SWT1: variants seen among roughly 807,000 people sequenced by gnomAD.
The protein encoded by SWT1 is SWT1 RNA endoribonuclease homolog, also known as transcriptional protein SWT1.
Under a neutral mutation model 107.3 loss-of-function variants are expected in SWT1, and 33 were observed. The observed-to-expected ratio is 0.31, with a 90% CI of 0.23 to 0.41. The LOEUF (loss-of-function observed/expected upper bound fraction) is 0.41, where lower values mean the gene tolerates loss of function less well. Among genes scored for constraint, SWT1 ranks in the 10% least tolerant of loss-of-function variants. SWT1 has a pLI of 1.00. For missense variants in SWT1, 898 were observed against 1,028.9 expected (o/e 0.87, Z 1.74); for synonymous variants, 345 against 348.3 (o/e 0.99, Z 0.11).
At chr1:185,251,389 C>A (rs1662008159) in intron 16 of SWT1, 1 of 152,656 alleles carries the variant, frequency 6.6e-6, no homozygotes, top group Admixed American at 6.5e-5. Context: ...TTCTCCACTC[C>A]CACTGCTTCA....
chr1:185,287,705 T>G (rs1426856329), intron 18 of SWT1, among the ~76,000 whole-genome samples: 1 of 152,200 alleles, frequency 6.6e-6, no homozygotes, highest in African/African-American at 2.4e-5. Context: ...ATTCTACAGA[T>G]TAACCACCAG....
At chr1:185,161,623 C>T (rs775390294) in intron 2 of SWT1, among the ~76,000 whole-genome samples, 10 of 151,988 alleles carry the variant, frequency 6.6e-5, no homozygotes, top group Non-Finnish European at 1.2e-4. Context: ...ATCACTTGAG[C>T]CACGGAGACC....
At chr1:185,224,505 T>G (rs1659907845) in intron 15 of SWT1, among the ~76,000 whole-genome samples, 1 of 152,202 alleles carries the variant, frequency 6.6e-6, no homozygotes, top group Admixed American at 6.5e-5. Flanking sequence ...TTTTTTTGTT[T>G]CTATGAAGAA....
intron 18 of SWT1, chr1:185,281,098 ATTGT>A (rs1664590491): frequency 3.8e-6 from 1 of 265,020 alleles, no homozygotes; most frequent in South Asian, 4.1e-5. Context: ...ACATTTATGG[ATTGT>A]TTAAGAAGGT....
chr1:185,273,501 G>T (rs757020542), intron 17 of SWT1, among the ~76,000 whole-genome samples: 51 of 152,024 alleles, frequency 3.4e-4, no homozygotes, highest in Non-Finnish European at 6.2e-4. Context: ...AGGAGTTCCA[G>T]ACCAGCCTGG....
chr1:185,273,024 C>T (rs538449749), intron 17 of SWT1, among the ~76,000 whole-genome samples: 172 of 151,336 alleles, frequency 1.1e-3, no homozygotes, highest in African/African-American at 3.9e-3. Flanking sequence ...CAGAGCAAGA[C>T]CCTGTCTCAA....
chr1:185,170,299 T>C (rs1421921072), intron 4 of SWT1, among the ~76,000 whole-genome samples: 1 of 152,204 alleles, frequency 6.6e-6, no homozygotes, highest in Non-Finnish European at 1.5e-5. Context: ...CAGGGTCTCT[T>C]TCAAAGTCAC....
At chr1:185,273,108 A>G (rs1663997151) in intron 17 of SWT1, among the ~76,000 whole-genome samples, 1 of 152,002 alleles carries the variant, frequency 6.6e-6, no homozygotes, top group East Asian at 1.9e-4. Context: ...GCTTTTTAAG[A>G]GTCAGCCTTA....
chr1:185,244,328 A>T (rs80257778), intron 16 of SWT1, among the ~76,000 whole-genome samples: 1 of 152,148 alleles, frequency 6.6e-6, no homozygotes, highest in African/African-American at 2.4e-5. Flanking sequence ...AGCCCACTAC[A>T]CACCTAGGCT....
At chr1:185,215,926 T>G (rs1370315891) in intron 14 of SWT1, among the ~76,000 whole-genome samples, 1 of 152,172 alleles carries the variant, frequency 6.6e-6, no homozygotes, top group Non-Finnish European at 1.5e-5. Context: ...CTAAAAGAGA[T>G]ATTAATGGAA....
chr1:185,167,052 C>T (rs530994396), intron 3 of SWT1, among the ~76,000 whole-genome samples: 3 of 152,096 alleles, frequency 2.0e-5, no homozygotes, highest in Admixed American at 6.6e-5. Context: ...GGATTACAGG[C>T]GTGCACCACC....
At chr1:185,252,334 C>T (rs1170820899) in intron 16 of SWT1, among the ~76,000 whole-genome samples, 1 of 152,130 alleles carries the variant, frequency 6.6e-6, no homozygotes, top group African/African-American at 2.4e-5. Flanking sequence ...ATTTCCAGTT[C>T]TAGATCCCTG....
chr1:185,258,453 C>T (rs1662779866), intron 16 of SWT1, among the ~76,000 whole-genome samples: 1 of 152,000 alleles, frequency 6.6e-6, no homozygotes, highest in Non-Finnish European at 1.5e-5. Context: ...CTTCATTTTA[C>T]TCATTTTCTG....
At chr1:185,222,762 C>CAAAAAA (rs59515070) in intron 15 of SWT1, among the ~76,000 whole-genome samples, 14 of 35,960 alleles carry the variant, frequency 3.9e-4, no homozygotes, top group East Asian at 7.8e-4. Context: ...GACGCCATCT[C>CAAAAAA]AAAAAAAAAA....
At chr1:185,286,966 G>C (rs1222832271) in intron 18 of SWT1, among the ~76,000 whole-genome samples, 1 of 152,070 alleles carries the variant, frequency 6.6e-6, no homozygotes, top group South Asian at 2.1e-4. Context: ...ATTATATACT[G>C]CTTTTATATT....
rs1264533124 is a variant in SWT1 at position 185,174,855 on chromosome 1, C to T, written c.708C>T (p.Ile236=). 1 of 1,614,014 alleles carries T rather than the reference C, an allele frequency of 6.2e-7. No individual in the cohort carries two copies. Among genetic ancestry groups the T allele is most frequent in the Non-Finnish European group, 8.5e-7 (1 of 1,179,990 alleles). ...GAAGACAGAAGATCAGTTTCAAAAT[C>T]CCTATAAAATCCCGTGACACCCTCC... ...GSRRQKISFK[I]PIKSRDTLQK... Residue 236 remains isoleucine (I), a synonymous_variant, in exon 5 of 19, where the codon ATC becomes ATT. Transcript: ENST00000367500.
chr1:185,221,348 A>T (rs1034939524), intron 14 of SWT1, among the ~76,000 whole-genome samples: 4 of 152,090 alleles, frequency 2.6e-5, no homozygotes, highest in Admixed American at 6.5e-5. Context: ...GTTTTAGTTT[A>T]TCTTAGAGTG....
chr1:185,271,704 G>A (rs1663879857), intron 17 of SWT1, among the ~76,000 whole-genome samples: 2 of 152,058 alleles, frequency 1.3e-5, no homozygotes, highest in South Asian at 2.1e-4. Context: ...CAACTAAAAT[G>A]TACTCTTTTA....
chr1:185,171,431 C>T (rs747606133), intron 4 of SWT1: 11 of 272,486 alleles, frequency 4.0e-5, no homozygotes, highest in South Asian at 1.4e-4. Flanking sequence ...CGTCCAATCA[C>T]GTAGATTGTT....
Sources: allele counts gnomAD v4.1 joint callset (sites outside exome capture counted in the v4.1 genomes callset), GRCh38; gene constraint gnomAD v4.1.1; transcripts MANE v1.5; gene names NCBI Gene and HGNC (gene_info 2026-07-23, HGNC 2026-07-21).